The following CTNNA3 variants were observed in gnomAD, a reference collection of about 807,000 sequenced individuals.
CTNNA3 encodes catenin alpha-3.
CTNNA3 carries 76 observed loss-of-function variants against 95.7 expected under a neutral mutation model. The observed-to-expected ratio is 0.79, with a 90% CI of 0.66 to 0.96. The LOEUF (loss-of-function observed/expected upper bound fraction) is 0.96, where lower values mean the gene tolerates loss of function less well. Among genes scored for constraint, CTNNA3 ranks in the 40% least tolerant of loss-of-function variants. The pLI, the probability that CTNNA3 is intolerant of heterozygous loss-of-function variation, is 0.00. For missense variants in CTNNA3, 1,191 were observed against 1,089.8 expected (o/e 1.09, Z -1.31); for synonymous variants, 431 against 374.4 (o/e 1.15, Z -1.74).
At chr10:66,460,563 GCATGCAC>G (rs1167049555) in intron 11 of CTNNA3, among the ~76,000 whole-genome samples, 7 of 151,984 alleles carry the variant, frequency 4.6e-5, no homozygotes, top group Non-Finnish European at 8.8e-5. Context: ...ACTTTCTATA[GCATGCAC>G]ATCCCTGCAA....
intron 2 of CTNNA3, among the ~76,000 whole-genome samples, chr10:67,629,149 C>T (rs547577401): frequency 6.6e-6 from 1 of 151,896 alleles, no homozygotes; most frequent in African/African-American, 2.4e-5. Context: ...ATGTTTTGTT[C>T]TCCAGAGTTA....
chr10:65,953,175 T>C (rs1215135590), intron 17 of CTNNA3, among the ~76,000 whole-genome samples: 1 of 152,200 alleles, frequency 6.6e-6, no homozygotes, highest in Non-Finnish European at 1.5e-5. Flanking sequence ...GCGTGGTGTA[T>C]AGGAATACTA....
chr10:66,007,810 G>A (rs116950322), intron 15 of CTNNA3, among the ~76,000 whole-genome samples: 9 of 75,020 alleles, frequency 1.2e-4, no homozygotes, highest in Admixed American at 3.0e-4. Context: ...TTCCTCCCTC[G>A]CTCCCTCCCT....
rs746837603 is a variant in CTNNA3 at position 67,153,766 on chromosome 10, CAAAAT to C, written c.1047+26546_1047+26550del. On this transcript the variant is annotated intron_variant, in intron 7 of 17. Transcript: ENST00000433211. ...TTATTGAACTAATTAAGCTGTTACT[CAAAAT>C]GAAGTTGCTTTGTATTTTATAACAT... 2.3e-4 allele frequency among the ~76,000 whole-genome samples: 35 copies of C among 151,936 alleles called. 1 individual carries two copies. The highest frequency in any genetic ancestry group is 1.0e-3 in the Admixed American group (16 of 15,286).
intron 5 of CTNNA3, among the ~76,000 whole-genome samples, chr10:67,365,008 T>C (rs1843153141): frequency 6.6e-6 from 1 of 152,152 alleles, no homozygotes; most frequent in Non-Finnish European, 1.5e-5. Flanking sequence ...AACAGCATGG[T>C]ACTGGTACCA....
intron 12 of CTNNA3, among the ~76,000 whole-genome samples, chr10:66,369,877 C>T (rs774853202): frequency 3.3e-5 from 5 of 152,150 alleles, no homozygotes; most frequent in East Asian, 1.9e-4. Context: ...GTCTTGAAAA[C>T]GTGGCAATAT....
chr10:66,355,705 G>A (rs2092603278), intron 12 of CTNNA3, among the ~76,000 whole-genome samples: 1 of 147,308 alleles, frequency 6.8e-6, no homozygotes, highest in Non-Finnish European at 1.5e-5. Context: ...TTTCACAGAG[G>A]ATTTTTTTTA....
intron 13 of CTNNA3, among the ~76,000 whole-genome samples, chr10:66,161,215 T>C (rs552386879): frequency 1.3e-5 from 2 of 152,316 alleles, no homozygotes; most frequent in East Asian, 3.9e-4. Flanking sequence ...TTTGCATTCA[T>C]CATGCTTTTT....
At chr10:66,915,112 T>C (rs1426471320) in intron 7 of CTNNA3, among the ~76,000 whole-genome samples, 2 of 151,442 alleles carry the variant, frequency 1.3e-5, no homozygotes, top group Admixed American at 6.6e-5. Flanking sequence ...GATCATTTTT[T>C]GAAACATACA....
chr10:67,706,833 T>C (rs1841081494), intron 1 of CTNNA3, among the ~76,000 whole-genome samples: 3 of 152,090 alleles, frequency 2.0e-5, no homozygotes, highest in Admixed American at 2.0e-4. Context: ...AGTCCAGACC[T>C]CTCTCATGAC....
At chr10:66,601,908 G>A (rs1273205009) in intron 10 of CTNNA3, among the ~76,000 whole-genome samples, 1 of 151,828 alleles carries the variant, frequency 6.6e-6, no homozygotes, top group African/African-American at 2.4e-5. Flanking sequence ...TAGGTTCAGT[G>A]TAGATATGAA....
At chr10:66,477,623 C>T (rs1278348827) in intron 11 of CTNNA3, among the ~76,000 whole-genome samples, 1 of 152,010 alleles carries the variant, frequency 6.6e-6, no homozygotes, top group Non-Finnish European at 1.5e-5. Context: ...CTCCAGCAAA[C>T]ACAAAGGAAT....
At chr10:66,436,727 A>T (rs532242201) in intron 11 of CTNNA3, among the ~76,000 whole-genome samples, 3 of 152,134 alleles carry the variant, frequency 2.0e-5, no homozygotes, top group African/African-American at 7.2e-5. Context: ...TGATCCTGTC[A>T]TCATGATGCT....
At chr10:67,557,577 G>A (rs1037774008) in intron 3 of CTNNA3, among the ~76,000 whole-genome samples, 2 of 152,118 alleles carry the variant, frequency 1.3e-5, no homozygotes, top group Non-Finnish European at 2.9e-5. Context: ...TTAGCTTCAT[G>A]ATCTTAGTTA....
chr10:66,673,714 T>A lies in CTNNA3; in HGVS notation c.1282-51930A>T, dbSNP rs542182725. 1.3e-4 allele frequency among the ~76,000 whole-genome samples: 20 copies of A among 152,184 alleles called. No individual in the cohort carries two copies. The East Asian group carries it at 3.9e-3, about 29-fold the overall frequency. On this transcript the variant is annotated intron_variant, in intron 9 of 17. Coordinates refer to ENST00000433211, the MANE Select transcript of CTNNA3 (RefSeq NM_013266.4). Reference sequence around the variant, plus strand: ...AATCTTAAAGGCAATGAAGATTAGATATGGGCCTTATTATATTCATCATTT... The same window carrying A: ...AATCTTAAAGGCAATGAAGATTAGAAATGGGCCTTATTATATTCATCATTT...
At chr10:67,653,080 TG>T (rs1346411029) in intron 1 of CTNNA3, among the ~76,000 whole-genome samples, 1 of 152,236 alleles carries the variant, frequency 6.6e-6, no homozygotes, top group Non-Finnish European at 1.5e-5. Flanking sequence ...AGCATGGTGC[TG>T]GCATCTGCTC....
chr10:66,336,342 T>A (rs954507574), intron 12 of CTNNA3, among the ~76,000 whole-genome samples: 1 of 152,142 alleles, frequency 6.6e-6, no homozygotes, highest in Non-Finnish European at 1.5e-5. Context: ...AGCTGTAGAC[T>A]GGAGGTGTTC....
chr10:66,941,054 G>A (rs1403393294), intron 7 of CTNNA3, among the ~76,000 whole-genome samples: 1 of 152,170 alleles, frequency 6.6e-6, no homozygotes, highest in Non-Finnish European at 1.5e-5. Context: ...TCTTAAAGAC[G>A]ATGGGGGAAA....
rs149862111 is a variant in CTNNA3, at chr10:67,066,154, G to A, written c.1047+114163C>T. On this transcript the variant is annotated intron_variant, in intron 7 of 17. Transcript: ENST00000433211. Reference sequence around the variant, plus strand: ...TTTCTCAATACCATCACCAGTGCTCGTTTCCCTATAGCACACTGCTGTGCC... The same window carrying A: ...TTTCTCAATACCATCACCAGTGCTCATTTCCCTATAGCACACTGCTGTGCC... Among the ~76,000 whole-genome samples, 385 of 147,614 alleles carry A rather than the reference G, an allele frequency of 2.6e-3. 4 individuals carry two copies. Among genetic ancestry groups the A allele is most frequent in the African/African-American group, 9.2e-3 (364 of 39,716 alleles).
Sources: allele counts gnomAD v4.1 joint callset (sites outside exome capture counted in the v4.1 genomes callset), GRCh38; gene constraint gnomAD v4.1.1; transcripts MANE v1.5; gene names NCBI Gene and HGNC (gene_info 2026-07-23, HGNC 2026-07-21).